Variants in GRIA1 observed in about 807,000 individuals in gnomAD.
GRIA1 encodes the protein glutamate receptor 1.
In GRIA1, 31 loss-of-function variants were observed where a neutral mutation model predicts 99.2. The observed-to-expected ratio is 0.31, with a 90% CI of 0.23 to 0.42. GRIA1 has a LOEUF of 0.42. Among genes scored for constraint, GRIA1 ranks in the 10% least tolerant of loss-of-function variants. GRIA1 has a pLI of 1.00. For missense variants in GRIA1, 782 were observed against 1,157.5 expected (o/e 0.68, Z 4.71); for synonymous variants, 438 against 432.4 (o/e 1.01, Z -0.16).
intron 11 of GRIA1, among the ~76,000 whole-genome samples, chr5:153,741,583 G>C (rs566115824): frequency 3.8e-4 from 58 of 152,280 alleles, no homozygotes; most frequent in South Asian, 8.3e-4. Flanking sequence ...CTTAAAAAAG[G>C]AAATTCTCTA....
chr5:153,803,147 G>A (rs1162966292), intron 15 of GRIA1, among the ~76,000 whole-genome samples: 1 of 152,160 alleles, frequency 6.6e-6, no homozygotes, highest in African/African-American at 2.4e-5. Flanking sequence ...ATGACTAAAG[G>A]TGATAGAGGA....
Position 153,724,819 on chromosome 5 carries a change from C to A in GRIA1, c.1823+18752C>A, listed in dbSNP as rs960704022. ...GAGAATGGAACCAAGTTGGAAAACA[C>A]TCTGCAGGATATTATCCAGGAGAAC... On this transcript the variant is annotated intron_variant, in intron 11 of 15. Transcript: ENST00000285900. Among the ~76,000 whole-genome samples, 193 of 152,348 alleles carry A rather than the reference C, an allele frequency of 1.3e-3. 1 individual carries two copies. The highest frequency in any genetic ancestry group is 4.4e-3 in the African/African-American group (183 of 41,578).
At chr5:153,599,038 C>T (rs368647339) in intron 2 of GRIA1, among the ~76,000 whole-genome samples, 9 of 152,196 alleles carry the variant, frequency 5.9e-5, no homozygotes, top group South Asian at 2.1e-4. Context: ...CCCGCCACCA[C>T]GCCTGGCTAG....
intron 11 of GRIA1, among the ~76,000 whole-genome samples, chr5:153,754,242 A>C (rs1762676222): frequency 1.3e-5 from 2 of 152,180 alleles, no homozygotes. Flanking sequence ...TCCAAATTGA[A>C]GGTAGGGAGG....
At chr5:153,635,148 G>A (rs755772526) in intron 2 of GRIA1, among the ~76,000 whole-genome samples, 5 of 152,166 alleles carry the variant, frequency 3.3e-5, no homozygotes, top group Admixed American at 6.5e-5. Context: ...CCATTTGCAC[G>A]TATGACTTTC....
At chr5:153,784,121 T>C (rs1486659299) in intron 13 of GRIA1, among the ~76,000 whole-genome samples, 5 of 152,134 alleles carry the variant, frequency 3.3e-5, no homozygotes, top group African/African-American at 1.2e-4. Flanking sequence ...GGCAGGAGCA[T>C]GCAATTATTC....
In GRIA1 at chr5:153,524,684, G is replaced by A. The variant is rs866605535; in HGVS notation, c.220+30619G>A. On this transcript the variant is annotated intron_variant, in intron 2 of 15. Coordinates refer to ENST00000285900, the MANE Select transcript of GRIA1 (RefSeq NM_000827.4). ...GTGAAGCTGGTCACACTTTTTTACA[G>A]TAGGCTTCTCTAATAACACTTGATT... is the stretch of plus-strand genomic sequence containing the variant. Among the ~76,000 whole-genome samples, 26 of 152,306 alleles carry A rather than the reference G, an allele frequency of 1.7e-4. 1 individual carries two copies. In the Middle Eastern group the frequency reaches 0.031, roughly 179 times the overall value.
chr5:153,501,968 A>G (rs1199227131), intron 2 of GRIA1, among the ~76,000 whole-genome samples: 4 of 152,218 alleles, frequency 2.6e-5, no homozygotes, highest in Non-Finnish European at 5.9e-5. Flanking sequence ...CAGACAACTC[A>G]GTGGTCTTCA....
intron 13 of GRIA1, among the ~76,000 whole-genome samples, chr5:153,792,648 G>A (rs1411800897): frequency 6.6e-6 from 1 of 152,190 alleles, no homozygotes; most frequent in African/African-American, 2.4e-5. Flanking sequence ...TACCCTTTGT[G>A]TGTTATTCAG....
chr5:153,774,367 C>G (rs1163403166), intron 13 of GRIA1, among the ~76,000 whole-genome samples: 2 of 152,026 alleles, frequency 1.3e-5, no homozygotes, highest in Admixed American at 1.3e-4. Flanking sequence ...AGAAGAAGTC[C>G]AATTTTGTTC....
intron 2 of GRIA1, among the ~76,000 whole-genome samples, chr5:153,639,075 G>GT (rs1217892614): frequency 6.6e-6 from 1 of 152,146 alleles, no homozygotes; most frequent in Non-Finnish European, 1.5e-5. Context: ...CATGTCTGTC[G>GT]TGCCATTACA....
At chr5:153,585,026 C>T (rs910328127) in intron 2 of GRIA1, among the ~76,000 whole-genome samples, 5 of 152,194 alleles carry the variant, frequency 3.3e-5, no homozygotes, top group African/African-American at 1.2e-4. Context: ...TGAATACCTC[C>T]TATTCAACAG....
intron 2 of GRIA1, among the ~76,000 whole-genome samples, chr5:153,500,863 T>C (rs940965382): frequency 6.6e-6 from 1 of 152,262 alleles, no homozygotes; most frequent in Non-Finnish European, 1.5e-5. Flanking sequence ...TTTGAAGACA[T>C]GGATTCAAAT....
intron 11 of GRIA1, among the ~76,000 whole-genome samples, chr5:153,714,301 G>T (rs767102343): frequency 2.6e-5 from 4 of 152,154 alleles, no homozygotes; most frequent in Non-Finnish European, 5.9e-5. Flanking sequence ...AACAGCCACC[G>T]TATGTACTTA....
At chr5:153,556,429 A>G (rs1260569540) in intron 2 of GRIA1, among the ~76,000 whole-genome samples, 1 of 152,196 alleles carries the variant, frequency 6.6e-6, no homozygotes, top group African/African-American at 2.4e-5. Flanking sequence ...AGCCTTTATA[A>G]TCTATTGAGA....
At chr5:153,647,231 A>G (rs1247107720) in intron 3 of GRIA1, 64 bp downstream of exon 3, 2 of 1,554,278 alleles carry the variant, frequency 1.3e-6, no homozygotes, top group Admixed American at 1.7e-5. Context: ...AGCAGAAAGG[A>G]GAATGATGCC....
At chr5:153,625,439 C>T (rs1767504669) in intron 2 of GRIA1, among the ~76,000 whole-genome samples, 2 of 152,176 alleles carry the variant, frequency 1.3e-5, no homozygotes, top group Non-Finnish European at 2.9e-5. Context: ...TCAGTGCCAC[C>T]GGCATTTGCC....
chr5:153,775,134 A>T (rs2149626466), intron 13 of GRIA1, among the ~76,000 whole-genome samples: 1 of 152,326 alleles, frequency 6.6e-6, no homozygotes, highest in African/African-American at 2.4e-5. Flanking sequence ...GTGCCAACTT[A>T]ATGTATCTTG....
intron 2 of GRIA1, among the ~76,000 whole-genome samples, chr5:153,549,004 T>C (rs1441136751): frequency 6.6e-6 from 1 of 152,194 alleles, no homozygotes; most frequent in East Asian, 1.9e-4. Flanking sequence ...TTAGGATGTC[T>C]GTGTATTTTA....
Sources: gnomAD v4.1 joint callset for allele counts (sites outside exome capture counted in the v4.1 genomes callset) on GRCh38, gnomAD v4.1.1 for gene constraint, MANE v1.5 for transcripts, NCBI Gene and HGNC (gene_info 2026-07-23, HGNC 2026-07-21) for gene names.